The following COL22A1 variants were observed in gnomAD, a reference collection of about 807,000 sequenced individuals.
COL22A1 encodes the protein collagen alpha-1(XXII) chain.
In COL22A1, 221 loss-of-function variants were observed where a neutral mutation model predicts 248.9. The observed-to-expected ratio is 0.89, with a 90% CI of 0.80 to 0.99. COL22A1 has a LOEUF of 0.99. Among genes scored for constraint, COL22A1 ranks in the 50% least tolerant of loss-of-function variants. The pLI is 0.00. For synonymous variants in COL22A1, 891 were observed against 793.4 expected (o/e 1.12, Z -2.07); for missense variants, 2,240 against 2,179.0 (o/e 1.03, Z -0.56).
intron 53 of COL22A1, 100 bp downstream of exon 53, chr8:138,619,355 C>A: frequency 9.7e-7 from 1 of 1,029,210 alleles, no homozygotes; most frequent in Non-Finnish European, 1.5e-6. Flanking sequence ...CTTCTAGGAC[C>A]CCACGGTTGG....
At chr8:138,590,528 TA>T (rs1457073572) in intron 64 of COL22A1, among the ~76,000 whole-genome samples, 2 of 152,112 alleles carry the variant, frequency 1.3e-5, no homozygotes, top group East Asian at 3.8e-4. Flanking sequence ...AGGTGAGCCA[TA>T]AAAATAAATA....
intron 4 of COL22A1, among the ~76,000 whole-genome samples, chr8:138,842,341 A>T (rs979031719): frequency 6.6e-6 from 1 of 152,232 alleles, no homozygotes; most frequent in Non-Finnish European, 1.5e-5. Context: ...CACTATTGTC[A>T]TAATGATTCC....
intron 3 of COL22A1, among the ~76,000 whole-genome samples, chr8:138,850,994 A>G (rs1821598584): frequency 6.6e-6 from 1 of 152,214 alleles, no homozygotes. Flanking sequence ...AAACACATGA[A>G]CACACAGGTG....
chr8:138,661,504 G>A (rs1242996344), intron 43 of COL22A1, among the ~76,000 whole-genome samples: 2 of 152,200 alleles, frequency 1.3e-5, no homozygotes, highest in Non-Finnish European at 2.9e-5. Context: ...GGGACCATGA[G>A]GATGCATAAG....
At chr8:138,890,230 C>T (rs575042286) in intron 1 of COL22A1, among the ~76,000 whole-genome samples, 1 of 152,204 alleles carries the variant, frequency 6.6e-6, no homozygotes, top group East Asian at 1.9e-4. Context: ...AAAAAAACTT[C>T]CTCAGGATAA....
chr8:138,902,739 T>TATACAC (rs763466994), intron 1 of COL22A1, among the ~76,000 whole-genome samples: 40 of 93,884 alleles, frequency 4.3e-4, no homozygotes, highest in African/African-American at 1.7e-3. Flanking sequence ...TATATATATA[T>TATACAC]ACACACACAC....
intron 30 of COL22A1, among the ~76,000 whole-genome samples, chr8:138,712,426 G>A (rs1829049562): frequency 6.6e-6 from 1 of 152,118 alleles, no homozygotes; most frequent in Non-Finnish European, 1.5e-5. Flanking sequence ...TACTCAGGGT[G>A]GGACTCCCAA....
chr8:138,815,700 T>G (rs1164981831), intron 7 of COL22A1, among the ~76,000 whole-genome samples: 1 of 152,186 alleles, frequency 6.6e-6, no homozygotes, highest in Non-Finnish European at 1.5e-5. Flanking sequence ...AGGTCTCCTG[T>G]CTCCTGTCCT....
At chr8:138,610,370 G>T (rs1019833585) in intron 56 of COL22A1, among the ~76,000 whole-genome samples, 2 of 152,146 alleles carry the variant, frequency 1.3e-5, no homozygotes, top group Non-Finnish European at 2.9e-5. Context: ...ACATACATTC[G>T]CAATCATCAC....
intron 41 of COL22A1, among the ~76,000 whole-genome samples, chr8:138,669,333 T>A (rs1040240265): frequency 1.3e-5 from 2 of 151,800 alleles, no homozygotes; most frequent in African/African-American, 2.4e-5. Context: ...GGCCGTGGGG[T>A]CTGATAAGGA....
chr8:138,676,643 G>C lies in COL22A1; in HGVS notation c.3073-8C>G. 6.4e-7 allele frequency: 1 copy of C among 1,554,670 alleles called. No homozygotes were observed. The highest frequency in any genetic ancestry group is 1.2e-5 in the South Asian group (1 of 84,480). ...AGGAGCTCCTCGATCCCCCTAGAAA[G>C]AGAGAAAAATAAGATCAAGGAGGTC... On this transcript the variant is annotated splice_polypyrimidine_tract_variant and splice_region_variant and intron_variant, in intron 40 of 64. Transcript: ENST00000303045.
At chr8:138,650,670 TTAGA>T (rs6150847) in intron 45 of COL22A1, among the ~76,000 whole-genome samples, 16,618 of 150,934 alleles carry the variant, frequency 0.11, 1,400 homozygotes, top group African/African-American at 0.23. Flanking sequence ...TCAAGAAAGA[TTAGA>T]TAGATAGATA....
rs1436428138 is a variant in COL22A1, at chr8:138,865,776, AGTGTATGTTTGTATGCCTGTGTGTGT to A, written c.658+11948_658+11973del. On this transcript the variant is annotated intron_variant, in intron 3 of 64. Coordinates refer to ENST00000303045, the MANE Select transcript of COL22A1 (RefSeq NM_152888.3). ...GTATATGTATGTTTGTATGCCTCTG[AGTGTATGTTTGTATGCCTGTGTGTGT>A]GTGTATGTTTGTATGCCTGTGTGTG... 8.5e-3 allele frequency among the ~76,000 whole-genome samples: 458 copies of A among 53,906 alleles called. 7 individuals carry two copies. The highest frequency in any genetic ancestry group is 0.063 in the East Asian group (142 of 2,252). The allele number at this position is 53,906 out of a possible 152,430, so 35.4% of individuals were successfully genotyped here. A position where few individuals can be genotyped will look rare whatever the true frequency, so the allele number is the denominator to read the frequency against.
At chr8:138,603,272 A>C (rs1323015658) in intron 59 of COL22A1, among the ~76,000 whole-genome samples, 1 of 152,200 alleles carries the variant, frequency 6.6e-6, no homozygotes, top group Non-Finnish European at 1.5e-5. Flanking sequence ...ATTCTAACAC[A>C]AGGCAGACTG....
chr8:138,698,427 C>T lies in COL22A1; in HGVS notation c.2592+1685G>A, dbSNP rs575974169. 3.3e-5 allele frequency among the ~76,000 whole-genome samples: 5 copies of T among 152,348 alleles called. No homozygotes were observed. The South Asian group carries it at 1.0e-3, about 32-fold the overall frequency. The stretch of plus-strand genomic sequence containing the variant: ...TGTAAGATGGACACAGGTGCCACTC[C>T]CTCAAGGCTGTTAGGAGGCTTGGTT... On this transcript the variant is annotated intron_variant, in intron 32 of 64. Coordinates refer to ENST00000303045, the MANE Select transcript of COL22A1 (RefSeq NM_152888.3).
intron 10 of COL22A1, among the ~76,000 whole-genome samples, chr8:138,806,026 G>GAGGGTGTGTGTGA (rs1817604589): frequency 7.5e-6 from 1 of 134,096 alleles, no homozygotes; most frequent in Non-Finnish European, 1.6e-5. Context: ...GTAATGGTGT[G>GAGGGTGTGTGTGA]TGGTTGTGTG....
At chr8:138,890,772 G>A (rs568500174) in intron 1 of COL22A1, among the ~76,000 whole-genome samples, 18 of 152,176 alleles carry the variant, frequency 1.2e-4, no homozygotes, top group Admixed American at 1.2e-3. Flanking sequence ...TAACACTTTG[G>A]GAGGCCAAGG....
chr8:138,902,081 G>T (rs942250373), intron 1 of COL22A1, among the ~76,000 whole-genome samples: 3 of 152,164 alleles, frequency 2.0e-5, no homozygotes, highest in African/African-American at 7.2e-5. Context: ...CAGGCACAGG[G>T]GAGGAAGAGG....
At chr8:138,778,194 T>C in intron 15 of COL22A1, 159 bp downstream of exon 15, 3 of 771,986 alleles carry the variant, frequency 3.9e-6, no homozygotes, top group Non-Finnish European at 6.8e-6. Flanking sequence ...TAACATCTAA[T>C]AATTTCTGGT....
Sources: allele counts gnomAD v4.1 joint callset (sites outside exome capture counted in the v4.1 genomes callset), GRCh38; gene constraint gnomAD v4.1.1; transcripts MANE v1.5; gene names NCBI Gene and HGNC (gene_info 2026-07-23, HGNC 2026-07-21).